UNC13C: variants seen among roughly 807,000 people sequenced by gnomAD.
UNC13C encodes protein unc-13 homolog C.
In UNC13C, 174 loss-of-function variants were observed where a neutral mutation model predicts 245.4. The ratio of observed to expected loss-of-function variants is 0.71; its 90% CI spans 0.63 to 0.80. The LOEUF is 0.80. Ranked by LOEUF, UNC13C falls within the 30% of genes least tolerant of loss-of-function variation. The pLI, the probability that UNC13C is intolerant of heterozygous loss-of-function variation, is 0.00. For synonymous variants in UNC13C, 992 were observed against 895.1 expected, an observed-to-expected ratio of 1.11 and a Z score of -1.93; for missense variants, 2,829 against 2,602.9, an observed-to-expected ratio of 1.09 and a Z score of -1.89.
chr15:53,894,507 A>T, the UNC13C span, among the ~76,000 whole-genome samples: 1 of 152,260 alleles, frequency 6.6e-6, no homozygotes, highest in South Asian at 2.1e-4. Flanking sequence ...TGGTCATCTG[A>T]CTGGCCTGGA....
chr15:54,255,584 T>A lies in UNC13C; in HGVS notation c.3448+5140T>A, dbSNP rs573824200. 5.3e-5 allele frequency among the ~76,000 whole-genome samples: 8 copies of A among 152,342 alleles called. No homozygotes were observed. The East Asian group carries it at 1.4e-3, about 26-fold the overall frequency. ...AGCCGCCTGTGTGTTCCTCTGCTGA[T>A]GTGCTCCTCTCCACATCCCGCTGCC... On this transcript the variant is annotated intron_variant, in intron 8 of 32. Transcript: ENST00000260323.
chr15:53,934,570 AAT>A, the UNC13C span, among the ~76,000 whole-genome samples: 15 of 152,346 alleles, frequency 9.8e-5, no homozygotes, highest in African/African-American at 3.1e-4. Context: ...AGACAACTGT[AAT>A]ATGTTTGTAA....
intron 26 of UNC13C, among the ~76,000 whole-genome samples, chr15:54,538,276 AAATC>A (rs1028977553): frequency 1.2e-4 from 19 of 152,044 alleles, no homozygotes; most frequent in Non-Finnish European, 2.5e-4. Flanking sequence ...GAAGAAATGA[AAATC>A]AAAGCCACAA....
rs186736495 is a variant in UNC13C at position 54,110,335 on chromosome 15, G to A, written c.2984-32683G>A. 1.8e-3 allele frequency among the ~76,000 whole-genome samples: 278 copies of A among 151,862 alleles called. 1 individual carries two copies. Among genetic ancestry groups the A allele is most frequent in the African/African-American group, 6.6e-3 (273 of 41,416 alleles). ...GATACTTCTTAACCTAATCTGGGAA[G>A]TCCCACAGAAGACAAACAGTACTTT... is the stretch of plus-strand genomic sequence containing the variant. On this transcript the variant is annotated intron_variant, in intron 2 of 32. Transcript: ENST00000260323.
chr15:53,906,328 G>T, the UNC13C span, among the ~76,000 whole-genome samples: 15 of 152,098 alleles, frequency 9.9e-5, no homozygotes, highest in Non-Finnish European at 1.6e-4. Context: ...AAAAAAAGAA[G>T]TCTCTGTAAT....
intron 2 of UNC13C, among the ~76,000 whole-genome samples, chr15:54,056,990 C>G: frequency 6.6e-6 from 1 of 152,182 alleles, no homozygotes; most frequent in Non-Finnish European, 1.5e-5. Context: ...CAACTGGTAC[C>G]AGCCACTGCC....
intron 19 of UNC13C, among the ~76,000 whole-genome samples, chr15:54,458,261 T>G (rs1226299665): frequency 6.6e-6 from 1 of 152,132 alleles, no homozygotes; most frequent in Non-Finnish European, 1.5e-5. Context: ...CTATATATAC[T>G]TTTAGTTTTC....
the UNC13C span, among the ~76,000 whole-genome samples, chr15:53,862,993 C>T: frequency 6.6e-6 from 1 of 152,128 alleles, no homozygotes. Flanking sequence ...TCCAAAGTCT[C>T]ATCTAAATAT....
At chr15:54,546,149 A>G (rs1321829956) in intron 26 of UNC13C, among the ~76,000 whole-genome samples, 2 of 152,200 alleles carry the variant, frequency 1.3e-5, no homozygotes, top group East Asian at 3.9e-4. Flanking sequence ...ATGAAAAGGG[A>G]TGAGTTCATG....
Position 54,174,516 on chromosome 15 carries a change from T to C in UNC13C, c.3071+30832T>C, listed in dbSNP as rs147155323. Reference sequence around the variant, plus strand: ...GGCAAATGGTTTAGTTTAGGTATGATTTAATCACTGTATTCTCAACTATAA... The same window carrying C: ...GGCAAATGGTTTAGTTTAGGTATGACTTAATCACTGTATTCTCAACTATAA... On this transcript the variant is annotated intron_variant, in intron 4 of 32. Coordinates refer to ENST00000260323, the MANE Select transcript of UNC13C (RefSeq NM_001080534.3). Among the ~76,000 whole-genome samples, 1,286 of 152,300 alleles carry C rather than the reference T, an allele frequency of 8.4e-3. 20 individuals carry two copies. Among genetic ancestry groups the C allele is most frequent in the African/African-American group, 0.03 (1,242 of 41,556 alleles).
intron 1 of UNC13C, among the ~76,000 whole-genome samples, chr15:53,979,160 G>A (rs1018619302): frequency 6.6e-6 from 1 of 152,106 alleles, no homozygotes; most frequent in Non-Finnish European, 1.5e-5. Context: ...AATGATAAAT[G>A]ACTGCTTAGT....
At chr15:54,371,071 A>G (rs911435907) in intron 17 of UNC13C, among the ~76,000 whole-genome samples, 1 of 152,172 alleles carries the variant, frequency 6.6e-6, no homozygotes, top group Non-Finnish European at 1.5e-5. Flanking sequence ...ACACATTGTC[A>G]TTAACTATAA....
At chr15:54,114,830 A>G (rs1329917535) in intron 2 of UNC13C, among the ~76,000 whole-genome samples, 1 of 152,134 alleles carries the variant, frequency 6.6e-6, no homozygotes, top group Non-Finnish European at 1.5e-5. Context: ...TTCCATGCAT[A>G]AGAATGTGGT....
the UNC13C span, chr15:53,913,021 A>G: frequency 1.3e-5 from 2 of 152,202 alleles, no homozygotes; most frequent in African/African-American, 4.8e-5. Flanking sequence ...CTCCATTGAC[A>G]TTGCTCCAGA....
At chr15:54,531,976 A>G (rs1038820214) in intron 25 of UNC13C, among the ~76,000 whole-genome samples, 1 of 152,168 alleles carries the variant, frequency 6.6e-6, no homozygotes, top group Non-Finnish European at 1.5e-5. Context: ...AATGCTTTTA[A>G]GCATATGGTT....
At chr15:54,172,721 T>TAAATATATATAA (rs1567067083) in intron 4 of UNC13C, among the ~76,000 whole-genome samples, 1 of 20,696 alleles carries the variant, frequency 4.8e-5, no homozygotes, top group Non-Finnish European at 1.0e-4. Context: ...TATATATATA[T>TAAATATATATAA]ATATATATAT....
chr15:53,946,312 G>A, the UNC13C span, among the ~76,000 whole-genome samples: 1 of 151,974 alleles, frequency 6.6e-6, no homozygotes, highest in East Asian at 1.9e-4. Flanking sequence ...GTCTTGTGCT[G>A]GTTTTCAAGG....
At chr15:54,567,718 T>G (rs1347113015) in intron 29 of UNC13C, 82 bp from the exon 30 acceptor site, 1 of 1,276,430 alleles carries the variant, frequency 7.8e-7, no homozygotes, top group African/African-American at 1.5e-5. Context: ...ATTATTCCAT[T>G]TGAGCTTCTC....
the UNC13C span, among the ~76,000 whole-genome samples, chr15:53,862,965 C>T: frequency 5.3e-4 from 80 of 152,224 alleles, no homozygotes; most frequent in African/African-American, 1.9e-3. Flanking sequence ...TTAACTAATT[C>T]CAGCATCAAC....
Sources: allele counts gnomAD v4.1 joint callset (sites outside exome capture counted in the v4.1 genomes callset), GRCh38; gene constraint gnomAD v4.1.1; transcripts MANE v1.5; gene names NCBI Gene and HGNC (gene_info 2026-07-23, HGNC 2026-07-21).